Variants in AHCTF1 observed in about 807,000 individuals in gnomAD.
AHCTF1 encodes the protein protein ELYS.
A neutral mutation model predicts 248.4 loss-of-function variants in AHCTF1; 24 were observed. That is an observed-to-expected ratio of 0.10 (90% confidence interval 0.07 to 0.14). The LOEUF (loss-of-function observed/expected upper bound fraction) is 0.14, where lower values mean the gene tolerates loss of function less well. Ranked by LOEUF, AHCTF1 falls within the 10% of genes least tolerant of loss-of-function variation. The probability of loss-of-function intolerance (pLI) is 1.00; values close to 1 mark genes in which losing one functional copy is unlikely to be tolerated. For synonymous variants in AHCTF1, 786 were observed against 929.8 expected (o/e 0.85, Z 2.81); for missense variants, 2,206 against 2,636.2 (o/e 0.84, Z 3.57).
At chr1:246,904,152 G>T in intron 6 of AHCTF1, 119 bp from the exon 7 acceptor site, 1 of 747,050 alleles carries the variant, frequency 1.3e-6, no homozygotes, top group Non-Finnish European at 2.2e-6. Context: ...TAAAATCACT[G>T]TGAAAAATTT....
chr1:246,851,428 T>C lies in AHCTF1; in HGVS notation c.4578A>G (p.Glu1526=). ...CTCCTGAATCTTGAGCTTCAAGCTT[T>C]TCTTGTTCAATCACCTAAATGAATT... ...DTQEIHVIEQ[E]KLEAQDSGEE... is the part of the protein sequence containing the mutation. Residue 1526 remains glutamate, a synonymous_variant, in exon 33 of 36, where the codon GAA becomes GAG. Transcript: ENST00000648844. 1 of 1,606,986 alleles carries C rather than the reference T, an allele frequency of 6.2e-7. No individual in the cohort carries two copies. Among genetic ancestry groups the C allele is most frequent in the South Asian group, 1.1e-5 (1 of 89,920 alleles).
Position 246,929,778 on chromosome 1 carries a change from G to C in AHCTF1, c.-8+1800C>G, listed in dbSNP as rs539492454. Among the ~76,000 whole-genome samples, 463 of 152,372 alleles carry C rather than the reference G, an allele frequency of 3.0e-3. 4 individuals are homozygous for C. Among genetic ancestry groups the C allele is most frequent in the African/African-American group, 0.01 (421 of 41,590 alleles). On this transcript the variant is annotated intron_variant, in intron 1 of 35. Transcript: ENST00000648844. ...CTTAAAATATATCTGTACCAGCCGG[G>C]CGCGGTGGCTCACGCCTGTAATCCC...
Position 246,902,627 on chromosome 1 carries a change from T to A in AHCTF1, c.1015A>T (p.Met339Leu). The A allele has an allele frequency of 1.2e-6, 2 of 1,613,340 alleles. No individual in the cohort carries two copies. Among genetic ancestry groups the A allele is most frequent in the Non-Finnish European group, 1.7e-6 (2 of 1,179,856 alleles). The change falls in exon 8 of 36, where the codon ATG becomes TTG. Residue 339 changes from methionine to leucine, a missense_variant. Met to Leu is a conservative substitution (Grantham distance 15). Coordinates refer to ENST00000648844, the MANE Select transcript of AHCTF1 (RefSeq NM_001323342.2). Reference sequence around the variant, plus strand: ...CTCGTCTGTCCCCTCAAAGGGAACATGCCACCTGTCAGGTCCAGGGTGTAT... The same window carrying A: ...CTCGTCTGTCCCCTCAAAGGGAACAAGCCACCTGTCAGGTCCAGGGTGTAT... ...ERYTLDLTGGMFPLRGQTSNT... is the reference protein window; with the variant it reads ...ERYTLDLTGGLFPLRGQTSNT...
chr1:246,876,598 A>G (rs1292077412), intron 23 of AHCTF1, among the ~76,000 whole-genome samples: 1 of 152,194 alleles, frequency 6.6e-6, no homozygotes, highest in African/African-American at 2.4e-5. Flanking sequence ...TTGAAGTCCA[A>G]TGATCTTTGT....
intron 17 of AHCTF1, among the ~76,000 whole-genome samples, chr1:246,888,994 A>T (rs1664020052): frequency 6.6e-6 from 1 of 152,144 alleles, no homozygotes; most frequent in Non-Finnish European, 1.5e-5. Context: ...ATAAGCCCTT[A>T]ATTTGCCTCA....
chr1:246,870,646 T>C (rs1662523071), intron 24 of AHCTF1, among the ~76,000 whole-genome samples: 1 of 151,164 alleles, frequency 6.6e-6, no homozygotes, highest in East Asian at 1.9e-4. Flanking sequence ...AATATTTTAA[T>C]TACTAGCTCC....
rs763452006 is a variant in AHCTF1 at position 246,902,607 on chromosome 1, C to T, written c.1035G>A (p.Gln345=). 7.4e-6 allele frequency: 12 copies of T among 1,612,774 alleles called. No individual in the cohort carries two copies. Among genetic ancestry groups the T allele is most frequent in the Middle Eastern group, 1.9e-4 (1 of 5,222 alleles). ...ATCCCAACAATTTGGTATTACTCGT[C>T]TGTCCCCTCAAAGGGAACATGCCAC... ...LTGGMFPLRG[Q]TSNTKLLGCQ... Residue 345 remains glutamine (Q), a synonymous_variant, in exon 8 of 36, where the codon CAG becomes CAA. Coordinates refer to ENST00000648844, the MANE Select transcript of AHCTF1 (RefSeq NM_001323342.2).
chr1:246,923,389 T>C (rs1410619844), intron 1 of AHCTF1, among the ~76,000 whole-genome samples: 1 of 152,156 alleles, frequency 6.6e-6, no homozygotes, highest in Non-Finnish European at 1.5e-5. Flanking sequence ...CACTCCAGCC[T>C]AGGTGACAGC....
At chr1:246,888,620 G>C (rs1408291747) in intron 17 of AHCTF1, 103 bp from the exon 18 acceptor site, 10 of 1,380,004 alleles carry the variant, frequency 7.2e-6, no homozygotes, top group Non-Finnish European at 8.8e-6. Context: ...CTATCAAAGA[G>C]AGAAGAGGCT....
rs763995889 is a variant in AHCTF1 at position 246,887,369 on chromosome 1, C to T, written c.2326-12G>A. ...AGCAAATAAATGGTCTTTTAAAAAG[C>T]GGATTAAGGACAATAAAATACAACA... On this transcript the variant is annotated splice_polypyrimidine_tract_variant and intron_variant, in intron 19 of 35. Coordinates refer to ENST00000648844, the MANE Select transcript of AHCTF1 (RefSeq NM_001323342.2). 3.7e-6 allele frequency: 6 copies of T among 1,600,134 alleles called. No individual in the cohort carries two copies. The highest frequency in any genetic ancestry group is 2.3e-5 in the South Asian group (2 of 88,452).
In AHCTF1 at chr1:246,867,676, G is replaced by A; in HGVS notation, c.3224C>T (p.Thr1075Ile). 6.2e-7 allele frequency: 1 copy of A among 1,611,818 alleles called. No homozygotes were observed. The highest frequency in any genetic ancestry group is 1.1e-5 in the South Asian group (1 of 90,842). Residue 1075 changes from threonine to isoleucine, a missense_variant, in exon 25 of 36, where the codon ACC becomes ATC. Thr to Ile is a moderately conservative substitution (Grantham distance 89). Coordinates refer to ENST00000648844, the MANE Select transcript of AHCTF1 (RefSeq NM_001323342.2). ...GAAAACATACCTATTGAAAGGTGTG[G>A]TGCTATTTATAGGTTCTTTGCTTGC... Reference protein sequence around the residue: ...VWASKEPINSTTPFNSSKIEE... With the variant: ...VWASKEPINSITPFNSSKIEE...
rs555203135 is a variant in AHCTF1, at chr1:246,920,175, A to C, written c.-7-1798T>G. Among the ~76,000 whole-genome samples the C allele has an allele frequency of 2.5e-4, 38 of 149,210 alleles. No individual in the cohort carries two copies. The East Asian group carries it at 5.5e-3, about 22-fold the overall frequency. On this transcript the variant is annotated intron_variant, in intron 1 of 35. Coordinates refer to ENST00000648844, the MANE Select transcript of AHCTF1 (RefSeq NM_001323342.2). Reference sequence around the variant, plus strand: ...AAAAAAAAAAAAAAAAAAAGAAAAGAAGCTCACAGTCCAAATAACAAAACA... The same window carrying C: ...AAAAAAAAAAAAAAAAAAAGAAAAGCAGCTCACAGTCCAAATAACAAAACA...
intron 1 of AHCTF1, among the ~76,000 whole-genome samples, chr1:246,920,746 G>C (rs929874330): frequency 2.2e-4 from 33 of 151,016 alleles, no homozygotes; most frequent in Non-Finnish European, 1.2e-4. Flanking sequence ...CTCCAGCCTG[G>C]GTGACAGAGC....
At chr1:246,885,378 A>G in intron 21 of AHCTF1, 115 bp downstream of exon 21, 1 of 835,360 alleles carries the variant, frequency 1.2e-6, no homozygotes, top group Non-Finnish European at 1.8e-6. Context: ...CACTAATACA[A>G]AGGACTGACT....
intron 24 of AHCTF1, among the ~76,000 whole-genome samples, chr1:246,871,528 C>G (rs1010697907): frequency 1.3e-5 from 2 of 152,162 alleles, no homozygotes; most frequent in Non-Finnish European, 2.9e-5. Context: ...ATCAGAGTAA[C>G]ATCACAGAAA....
intron 1 of AHCTF1, among the ~76,000 whole-genome samples, chr1:246,919,495 C>CCT (rs1480304098): frequency 6.6e-6 from 1 of 151,100 alleles, no homozygotes; most frequent in Non-Finnish European, 1.5e-5. Context: ...AGGCGGATCA[C>CCT]AAGGTTAGGA....
At chr1:246,842,912 C>A in intron 34 of AHCTF1, 136 bp from the exon 35 acceptor site, 1 of 687,984 alleles carries the variant, frequency 1.5e-6, no homozygotes, top group East Asian at 2.6e-5. Context: ...CTCCTTTTCT[C>A]ATACCTTTTA....
chr1:246,895,725 T>C, intron 13 of AHCTF1, 110 bp downstream of exon 13: 1 of 884,554 alleles, frequency 1.1e-6, no homozygotes, highest in Non-Finnish European at 1.7e-6. Flanking sequence ...AACAACTGCA[T>C]GTGGATCTTC....
intron 33 of AHCTF1, among the ~76,000 whole-genome samples, chr1:246,847,299 AAAC>A (rs1660343087): frequency 2.7e-5 from 3 of 111,258 alleles, no homozygotes; most frequent in African/African-American, 1.9e-4. Context: ...CAAAAAAAAA[AAAC>A]AAACAAAAAA....
Sources: allele counts gnomAD v4.1 joint callset (sites outside exome capture counted in the v4.1 genomes callset), GRCh38; gene constraint gnomAD v4.1.1; transcripts MANE v1.5; gene names NCBI Gene and HGNC (gene_info 2026-07-23, HGNC 2026-07-21).